EHBP1: variants seen among roughly 807,000 people sequenced by gnomAD.
EHBP1 encodes the protein EH domain binding protein 1.
In EHBP1, 55 loss-of-function variants were observed where a neutral mutation model predicts 144.0. That is an observed-to-expected ratio of 0.38 (90% confidence interval 0.31 to 0.48). The LOEUF is 0.48. Ranked by LOEUF, EHBP1 falls within the 20% of genes least tolerant of loss-of-function variation. The probability of loss-of-function intolerance (pLI) is 0.98; values close to 1 mark genes in which losing one functional copy is unlikely to be tolerated. For synonymous variants in EHBP1, 469 were observed against 472.7 expected (o/e 0.99, Z 0.10); for missense variants, 1,200 against 1,364.2 (o/e 0.88, Z 1.90).
chr2:62,898,610 A>G (rs1212241285), intron 10 of EHBP1, among the ~76,000 whole-genome samples: 2 of 152,070 alleles, frequency 1.3e-5, no homozygotes, highest in Non-Finnish European at 2.9e-5. Flanking sequence ...CTTTTCTCCA[A>G]TCACTATATC....
intron 5 of EHBP1, among the ~76,000 whole-genome samples, chr2:62,807,048 G>C (rs2044569651): frequency 6.6e-6 from 1 of 152,112 alleles, no homozygotes; most frequent in African/African-American, 2.4e-5. Flanking sequence ...TGCAAATACT[G>C]TGTTTTCAAT....
In EHBP1 at chr2:62,685,518, T is replaced by G. The variant is rs528243195; in HGVS notation, c.-296+11435T>G. ...TTGTCTGTGTCCCAGTGTCCCCTTT[T>G]GATAAGGACGTCAGTCATATTGGAC... On this transcript the variant is annotated intron_variant, in intron 1 of 22. Coordinates refer to the EHBP1 transcript ENST00000405015. Among the ~76,000 whole-genome samples, 8 of 152,272 alleles carry G rather than the reference T, an allele frequency of 5.3e-5. No individual in the cohort carries two copies. In the East Asian group the frequency reaches 1.5e-3, roughly 29 times the overall value.
intron 13 of EHBP1, among the ~76,000 whole-genome samples, chr2:62,952,824 A>G (rs1170917865): frequency 2.6e-5 from 4 of 152,250 alleles, no homozygotes; most frequent in African/African-American, 7.2e-5. Context: ...AATGTGGTCA[A>G]CATTACTGAA....
At chr2:62,772,656 A>G (rs564430321) in intron 5 of EHBP1, among the ~76,000 whole-genome samples, 26 of 152,228 alleles carry the variant, frequency 1.7e-4, no homozygotes, top group Non-Finnish European at 3.1e-4. Flanking sequence ...TCTCAGTCAT[A>G]CAATTATAGG....
chr2:62,738,877 G>C (rs138932284), intron 2 of EHBP1, among the ~76,000 whole-genome samples: 2 of 151,988 alleles, frequency 1.3e-5, no homozygotes, highest in African/African-American at 4.8e-5. Context: ...ATATTGTCTC[G>C]GCTTCCTTCA....
chr2:62,867,882 A>G (rs2050164853), intron 9 of EHBP1, among the ~76,000 whole-genome samples: 1 of 152,194 alleles, frequency 6.6e-6, no homozygotes, highest in African/African-American at 2.4e-5. Flanking sequence ...AATTAGATTC[A>G]TACATATATT....
intron 1 of EHBP1, among the ~76,000 whole-genome samples, chr2:62,676,206 T>C (rs2033286917): frequency 6.6e-6 from 1 of 152,206 alleles, no homozygotes; most frequent in African/African-American, 2.4e-5. Flanking sequence ...TACTTTCTTA[T>C]AAGCATTACA....
At chr2:62,844,632 C>T (rs1162974295) in intron 7 of EHBP1, among the ~76,000 whole-genome samples, 1 of 152,112 alleles carries the variant, frequency 6.6e-6, no homozygotes, top group African/African-American at 2.4e-5. Context: ...TTTCTGAATA[C>T]ACACCAACAG....
chr2:62,729,486 AAT>A (rs1194579232), intron 2 of EHBP1, among the ~76,000 whole-genome samples: 2 of 104,696 alleles, frequency 1.9e-5, no homozygotes, highest in South Asian at 2.5e-4. Flanking sequence ...AATATATATA[AAT>A]ATATAAATAT....
chr2:62,742,085 G>T (rs1386507069), intron 2 of EHBP1, among the ~76,000 whole-genome samples: 1 of 152,062 alleles, frequency 6.6e-6, no homozygotes. Context: ...TGCTGTACAG[G>T]TTTCTAGCCT....
At chr2:62,811,050 G>T (rs908345562) in intron 5 of EHBP1, among the ~76,000 whole-genome samples, 3 of 152,136 alleles carry the variant, frequency 2.0e-5, no homozygotes, top group African/African-American at 7.2e-5. Flanking sequence ...TAAGAAGGTT[G>T]AGGATTTTTA....
intron 1 of EHBP1, chr2:62,674,086 A>G (rs1310744407): frequency 4.2e-6 from 2 of 471,206 alleles, no homozygotes; most frequent in African/African-American, 2.0e-5. Flanking sequence ...TTTTCAAGGT[A>G]TGAACTGGTA....
intron 10 of EHBP1, among the ~76,000 whole-genome samples, chr2:62,933,351 T>C (rs1487092770): frequency 6.6e-6 from 1 of 152,138 alleles, no homozygotes; most frequent in Non-Finnish European, 1.5e-5. Flanking sequence ...TTTGACCTTA[T>C]CAAATATATA....
In EHBP1 at chr2:62,763,933, T is replaced by C. The variant is rs746301661; in HGVS notation, c.163-333T>C. On this transcript the variant is annotated intron_variant, in intron 3 of 22. Transcript: ENST00000431489. ...AAATATCTCTTCTAATAAAATACTTTAAACAGATAGTAGCTTTTGAAAACA... is the reference window on the plus strand; with the variant it reads ...AAATATCTCTTCTAATAAAATACTTCAAACAGATAGTAGCTTTTGAAAACA... 2.6e-5 allele frequency among the ~76,000 whole-genome samples: 4 copies of C among 152,136 alleles called. No individual in the cohort carries two copies. The East Asian group carries it at 7.7e-4, about 29-fold the overall frequency.
chr2:62,798,845 A>C (rs2043752808), intron 5 of EHBP1, among the ~76,000 whole-genome samples: 1 of 151,952 alleles, frequency 6.6e-6, no homozygotes, highest in African/African-American at 2.4e-5. Context: ...TCTACTAAAA[A>C]TACAAAAAAT....
intron 2 of EHBP1, among the ~76,000 whole-genome samples, chr2:62,741,823 T>C (rs541832886): frequency 3.9e-5 from 6 of 152,204 alleles, no homozygotes; most frequent in Admixed American, 2.0e-4. Flanking sequence ...AAAAATAATA[T>C]AAACAATACA....
At chr2:62,960,840 CT>C (rs1181129565) in intron 14 of EHBP1, among the ~76,000 whole-genome samples, 2 of 152,180 alleles carry the variant, frequency 1.3e-5, no homozygotes, top group East Asian at 3.9e-4. Flanking sequence ...GATAAGATTA[CT>C]TTTGCCACTT....
chr2:62,963,654 T>C lies in EHBP1; in HGVS notation c.2460+7994T>C, dbSNP rs1339846290. On this transcript the variant is annotated intron_variant, in intron 14 of 22. Transcript: ENST00000431489. Reference sequence around the variant, plus strand: ...TATCAATTCTACTGTTAGGAAGAAGTACGTTAACTTTACATTTGTAATTTT... The same window carrying C: ...TATCAATTCTACTGTTAGGAAGAAGCACGTTAACTTTACATTTGTAATTTT... Among the ~76,000 whole-genome samples, 3 of 152,236 alleles carry C rather than the reference T, an allele frequency of 2.0e-5. No individual in the cohort carries two copies. In the East Asian group the frequency reaches 5.8e-4, roughly 29 times the overall value.
chr2:62,823,548 T>G (rs2046136873), intron 5 of EHBP1, among the ~76,000 whole-genome samples: 1 of 152,054 alleles, frequency 6.6e-6, no homozygotes, highest in Non-Finnish European at 1.5e-5. Context: ...TGAGTGCAGT[T>G]ATTTCATTCC....
Sources: allele counts gnomAD v4.1 joint callset (sites outside exome capture counted in the v4.1 genomes callset), GRCh38; gene constraint gnomAD v4.1.1; transcripts MANE v1.5; gene names NCBI Gene and HGNC (gene_info 2026-07-23, HGNC 2026-07-21).